Variants in PACRG observed in about 807,000 individuals in gnomAD.
PACRG encodes parkin coregulated gene protein.
PACRG carries 29 observed loss-of-function variants against 29.7 expected under a neutral mutation model. That is an observed-to-expected ratio of 0.98 (90% CI 0.73 to 1.33). The LOEUF is 1.33. Ranked by LOEUF, PACRG falls within the 40% of genes most tolerant of loss-of-function variation. The probability of loss-of-function intolerance (pLI) is 0.00; values close to 1 mark genes in which losing one functional copy is unlikely to be tolerated. For synonymous variants in PACRG, 116 were observed against 118.7 expected (o/e 0.98, Z 0.15); for missense variants, 279 against 316.2 (o/e 0.88, Z 0.89).
intron 2 of PACRG, among the ~76,000 whole-genome samples, chr6:162,921,916 C>T (rs1797093267): frequency 6.6e-6 from 1 of 152,098 alleles, no homozygotes. Context: ...GCCAGAGGCC[C>T]CCCTCACCCC....
chr6:163,054,948 A>G (rs1360802165), intron 2 of PACRG, among the ~76,000 whole-genome samples: 1 of 151,946 alleles, frequency 6.6e-6, no homozygotes. Flanking sequence ...GGAGGGAGGG[A>G]ATTAGGGTGA....
intron 4 of PACRG, among the ~76,000 whole-genome samples, chr6:163,103,713 A>C (rs1815227532): frequency 6.6e-6 from 1 of 152,236 alleles, no homozygotes; most frequent in African/African-American, 2.4e-5. Context: ...TCATCAAAAA[A>C]TTGATGCCTG....
At chr6:163,012,126 A>G (rs1248822269) in intron 2 of PACRG, among the ~76,000 whole-genome samples, 2 of 152,236 alleles carry the variant, frequency 1.3e-5, no homozygotes, top group African/African-American at 4.8e-5. Flanking sequence ...GCAAGTTCTT[A>G]CACTTCTTGA....
rs189224914 is a variant in PACRG at position 162,853,308 on chromosome 6, T to A, written c.291+39027T>A. ...ATCTCTGCTCCAGAATGGCTTGATC[T>A]CCTTGGAGATCAGGCAGAAAATTCT... On this transcript the variant is annotated intron_variant, in intron 2 of 4. Coordinates refer to ENST00000366888, the MANE Select transcript of PACRG (RefSeq NM_001080379.2). The surrounding 1 kb of genome is among the most constrained non-coding windows in gnomAD (Gnocchi z 4.7). 2.6e-5 allele frequency among the ~76,000 whole-genome samples: 4 copies of A among 152,334 alleles called. No individual in the cohort carries two copies. The highest frequency in any genetic ancestry group is 5.9e-5 in the Non-Finnish European group (4 of 68,030).
At chr6:163,282,318 T>C (rs930621078) in intron 4 of PACRG, among the ~76,000 whole-genome samples, 12 of 152,202 alleles carry the variant, frequency 7.9e-5, no homozygotes, top group Non-Finnish European at 1.3e-4. Context: ...AAAATCTAAA[T>C]GAAGTCCTTG....
intron 1 of PACRG, among the ~76,000 whole-genome samples, chr6:162,747,135 C>G (rs1781050918): frequency 6.6e-6 from 1 of 151,292 alleles, no homozygotes; most frequent in Non-Finnish European, 1.5e-5. Context: ...CAGACCCATC[C>G]TTAACCTGAG....
At chr6:162,811,688 C>T (rs1401831028) in intron 1 of PACRG, among the ~76,000 whole-genome samples, 1 of 152,026 alleles carries the variant, frequency 6.6e-6, no homozygotes, top group Non-Finnish European at 1.5e-5. Flanking sequence ...ATAGCCAAAC[C>T]CAGGAAGTAA....
chr6:163,074,694 C>T (rs1206257215), intron 3 of PACRG, among the ~76,000 whole-genome samples: 4 of 151,902 alleles, frequency 2.6e-5, no homozygotes, highest in African/African-American at 9.7e-5. Context: ...CTACTATGTA[C>T]CTACAAAAAA....
intron 2 of PACRG, among the ~76,000 whole-genome samples, chr6:162,958,884 T>TATATATATAGAGAG (rs1562779944): frequency 4.7e-5 from 1 of 21,152 alleles, no homozygotes; most frequent in Non-Finnish European, 9.5e-5. Context: ...TATATATATA[T>TATATATATAGAGAG]AGAGAGAGAG....
rs75176181 is a variant in PACRG, at chr6:163,011,426, A to C, written c.292-50724A>C. On this transcript the variant is annotated intron_variant, in intron 2 of 4. Coordinates refer to ENST00000366888, the MANE Select transcript of PACRG (RefSeq NM_001080379.2). ...GTGTATCTAAACATAGAAAAGGTGCAGTGAAAATGTAGTATAAAAGATAAA... is the reference window on the plus strand; with the variant it reads ...GTGTATCTAAACATAGAAAAGGTGCCGTGAAAATGTAGTATAAAAGATAAA... Among the ~76,000 whole-genome samples the C allele has an allele frequency of 5.6e-3, 859 of 152,312 alleles. 11 individuals carry two copies. Among genetic ancestry groups the C allele is most frequent in the African/African-American group, 0.02 (830 of 41,566 alleles).
At chr6:162,832,822 T>C (rs1257848919) in intron 2 of PACRG, among the ~76,000 whole-genome samples, 2 of 152,024 alleles carry the variant, frequency 1.3e-5, no homozygotes, top group Non-Finnish European at 2.9e-5. Context: ...TCTTTTTTTT[T>C]TTTTCATTTT....
rs75579139 is a variant in PACRG at position 163,067,079 on chromosome 6, T to G, written c.463+4758T>G. On this transcript the variant is annotated intron_variant, in intron 3 of 4. Coordinates refer to ENST00000366888, the MANE Select transcript of PACRG (RefSeq NM_001080379.2). ...AAAAGATCCCTGTCCTTCCTCCACT[T>G]CCTGACCTTTGACTTTAAGATCTAG... 1.1e-3 allele frequency among the ~76,000 whole-genome samples: 175 copies of G among 152,302 alleles called. 3 individuals are homozygous for G. In the East Asian group the frequency reaches 0.017, roughly 14 times the overall value.
At chr6:163,085,965 A>G (rs1394737998) in intron 3 of PACRG, among the ~76,000 whole-genome samples, 1 of 152,226 alleles carries the variant, frequency 6.6e-6, no homozygotes, top group Non-Finnish European at 1.5e-5. Context: ...TTGGTGAGGG[A>G]AGTCTAAGTA....
At chr6:162,900,549 T>C (rs1417648068) in intron 2 of PACRG, among the ~76,000 whole-genome samples, 2 of 152,174 alleles carry the variant, frequency 1.3e-5, no homozygotes, top group African/African-American at 4.8e-5. Context: ...TCTTCAAACT[T>C]CTTTTGGCTT....
intron 2 of PACRG, among the ~76,000 whole-genome samples, chr6:162,879,903 T>A (rs1188042236): frequency 6.6e-6 from 1 of 152,184 alleles, no homozygotes; most frequent in Non-Finnish European, 1.5e-5. Flanking sequence ...ACAAAACACC[T>A]CTCTCAAAAA....
intron 2 of PACRG, among the ~76,000 whole-genome samples, chr6:163,006,309 C>G (rs910312710): frequency 6.8e-6 from 1 of 147,590 alleles, no homozygotes; most frequent in Non-Finnish European, 1.5e-5. Flanking sequence ...ATCCAAAATT[C>G]TTTTACATTT....
chr6:162,970,252 G>A (rs1354087646), intron 2 of PACRG, among the ~76,000 whole-genome samples: 1 of 152,114 alleles, frequency 6.6e-6, no homozygotes, highest in African/African-American at 2.4e-5. Context: ...CCCCAGAAAT[G>A]GCTTGAAATG....
intron 4 of PACRG, among the ~76,000 whole-genome samples, chr6:163,163,260 G>GT (rs1468584498): frequency 2.0e-5 from 3 of 151,834 alleles, no homozygotes; most frequent in Admixed American, 1.3e-4. Flanking sequence ...TTTTTTTGTT[G>GT]TTTTTTGTTG....
chr6:163,110,079 A>G (rs1452923837), intron 4 of PACRG, among the ~76,000 whole-genome samples: 1 of 152,182 alleles, frequency 6.6e-6, no homozygotes, highest in Non-Finnish European at 1.5e-5. Context: ...ACATTTATGG[A>G]TAGAAATCCA....
Sources: gnomAD v4.1 joint callset for allele counts (sites outside exome capture counted in the v4.1 genomes callset) on GRCh38, gnomAD v4.1.1 for gene constraint, Gnocchi (gnomAD v3.1) non-coding constraint, MANE v1.5 for transcripts, NCBI Gene and HGNC (gene_info 2026-07-23, HGNC 2026-07-21) for gene names.